The following CDIN1 variants were observed in gnomAD, a reference collection of about 807,000 sequenced individuals.
The protein encoded by CDIN1 is CDAN1-interacting nuclease 1.
A neutral mutation model predicts 45.3 loss-of-function variants in CDIN1; 33 were observed. The observed-to-expected ratio is 0.73, with a 90% confidence interval of 0.55 to 0.97. The LOEUF (loss-of-function observed/expected upper bound fraction) is 0.97, where lower values mean the gene tolerates loss of function less well. Among genes scored for constraint, CDIN1 ranks in the 50% least tolerant of loss-of-function variants. CDIN1 has a pLI of 0.00. For missense variants in CDIN1, 303 were observed against 339.4 expected (o/e 0.89, Z 0.84); for synonymous variants, 118 against 124.4 (o/e 0.95, Z 0.34).
At chr15:36,612,951 T>C (rs141892198) in intron 1 of CDIN1, among the ~76,000 whole-genome samples, 86 of 152,324 alleles carry the variant, frequency 5.6e-4, no homozygotes, top group African/African-American at 1.9e-3. Context: ...TTTTGTGATA[T>C]TGTAGCCATT....
At chr15:36,712,777 G>A (rs2043100316) in intron 10 of CDIN1, among the ~76,000 whole-genome samples, 1 of 152,060 alleles carries the variant, frequency 6.6e-6, no homozygotes, top group South Asian at 2.1e-4. Flanking sequence ...GTTCCTACAA[G>A]CACATCTCCA....
At chr15:36,649,472 C>A (rs1163828874) in intron 3 of CDIN1, among the ~76,000 whole-genome samples, 1 of 152,148 alleles carries the variant, frequency 6.6e-6, no homozygotes, top group Non-Finnish European at 1.5e-5. Context: ...GGAGGGCTAA[C>A]AAATACACAT....
rs1595443180 is a variant in CDIN1, at chr15:36,665,630, A to G, written c.346+7725A>G. 2.0e-5 allele frequency among the ~76,000 whole-genome samples: 3 copies of G among 152,150 alleles called. No homozygotes were observed. In the South Asian group the frequency reaches 6.2e-4, roughly 31 times the overall value. ...CAGGGTTTATCCACAACCTGAAGAGACGCACAGAATCAAGGATTGATGACC... is the reference window on the plus strand; with the variant it reads ...CAGGGTTTATCCACAACCTGAAGAGGCGCACAGAATCAAGGATTGATGACC... On this transcript the variant is annotated intron_variant, in intron 5 of 10. Coordinates refer to ENST00000566621, the MANE Select transcript of CDIN1 (RefSeq NM_001321759.2).
At chr15:36,594,133 T>C (rs979515742) in intron 1 of CDIN1, among the ~76,000 whole-genome samples, 7 of 152,234 alleles carry the variant, frequency 4.6e-5, no homozygotes, top group Non-Finnish European at 1.0e-4. Flanking sequence ...TCCTTTAGTT[T>C]TCATTGTATC....
rs373922415 is a variant in CDIN1, at chr15:36,797,158, CA to C, written c.717-11164del. ...CATTGTAGAGATGGCAGTTGTGGTTCAATGAGTGCAAATCCATGTGTCATAT... is the reference window on the plus strand; with the variant it reads ...CATTGTAGAGATGGCAGTTGTGGTTCATGAGTGCAAATCCATGTGTCATAT... On this transcript the variant is annotated intron_variant, in intron 10 of 10. Transcript: ENST00000566621. Among the ~76,000 whole-genome samples, 22 of 152,296 alleles carry C rather than the reference CA, an allele frequency of 1.4e-4. No individual in the cohort carries two copies. In the East Asian group the frequency reaches 3.9e-3, roughly 27 times the overall value.
At chr15:36,611,610 A>T (rs577960733) in intron 1 of CDIN1, among the ~76,000 whole-genome samples, 4 of 152,312 alleles carry the variant, frequency 2.6e-5, no homozygotes, top group African/African-American at 9.6e-5. Flanking sequence ...TGATTTTAAA[A>T]TTTTCTTAGT....
intron 10 of CDIN1, among the ~76,000 whole-genome samples, chr15:36,749,705 G>A (rs1027682885): frequency 6.6e-6 from 1 of 152,194 alleles, no homozygotes; most frequent in African/African-American, 2.4e-5. Flanking sequence ...TTTTTGTCAA[G>A]GCCAGCTTAT....
intron 8 of CDIN1, among the ~76,000 whole-genome samples, chr15:36,698,937 T>A (rs1406551719): frequency 6.6e-6 from 1 of 152,162 alleles, no homozygotes; most frequent in African/African-American, 2.4e-5. Context: ...TTAAATTAGA[T>A]TCACCATGGC....
intron 1 of CDIN1, among the ~76,000 whole-genome samples, chr15:36,603,446 A>C (rs755072827): frequency 6.6e-6 from 1 of 152,210 alleles, no homozygotes; most frequent in Non-Finnish European, 1.5e-5. Flanking sequence ...TTAGAAAGGG[A>C]GACTATAGTA....
intron 1 of CDIN1, among the ~76,000 whole-genome samples, chr15:36,625,261 A>G (rs556904722): frequency 1.1e-3 from 169 of 152,042 alleles, no homozygotes; most frequent in Non-Finnish European, 1.9e-3. Context: ...AGCCTGGACG[A>G]CAGAGCGAGA....
intron 1 of CDIN1, among the ~76,000 whole-genome samples, chr15:36,633,907 G>A (rs913370730): frequency 4.0e-5 from 6 of 151,846 alleles, no homozygotes; most frequent in Non-Finnish European, 5.9e-5. Context: ...ACAGGCATGC[G>A]CCATGATGCC....
At chr15:36,797,769 G>C (rs1379521038) in intron 10 of CDIN1, among the ~76,000 whole-genome samples, 1 of 152,000 alleles carries the variant, frequency 6.6e-6, no homozygotes, top group Non-Finnish European at 1.5e-5. Flanking sequence ...CACCTGAGGT[G>C]AGGCGTTCAA....
intron 10 of CDIN1, among the ~76,000 whole-genome samples, chr15:36,762,641 CA>C (rs2053801714): frequency 6.6e-6 from 1 of 151,836 alleles, no homozygotes; most frequent in Non-Finnish European, 1.5e-5. Context: ...TATCCCTCCC[CA>C]CTCCCACCAC....
At chr15:36,670,062 T>C (rs1425376201) in intron 5 of CDIN1, among the ~76,000 whole-genome samples, 1 of 152,060 alleles carries the variant, frequency 6.6e-6, no homozygotes, top group Non-Finnish European at 1.5e-5. Context: ...ATTATTTGGG[T>C]TTCTTCTGTA....
intron 10 of CDIN1, among the ~76,000 whole-genome samples, chr15:36,737,045 G>A (rs1471275345): frequency 5.9e-5 from 9 of 152,034 alleles, no homozygotes; most frequent in African/African-American, 2.2e-4. Flanking sequence ...GCACACGCCT[G>A]TAATCCCAGC....
chr15:36,638,231 C>T (rs1342293374), intron 1 of CDIN1, among the ~76,000 whole-genome samples: 1 of 151,902 alleles, frequency 6.6e-6, no homozygotes, highest in African/African-American at 2.4e-5. Context: ...TATATAGATA[C>T]ACACAAACAG....
At chr15:36,744,073 T>G (rs1464863806) in intron 10 of CDIN1, among the ~76,000 whole-genome samples, 1 of 152,022 alleles carries the variant, frequency 6.6e-6, no homozygotes, top group Non-Finnish European at 1.5e-5. Flanking sequence ...ACCAGATGAC[T>G]GACTTTGCAA....
At chr15:36,628,519 T>C (rs1291173015) in intron 1 of CDIN1, among the ~76,000 whole-genome samples, 1 of 152,154 alleles carries the variant, frequency 6.6e-6, no homozygotes, top group African/African-American at 2.4e-5. Context: ...GGTAAATATC[T>C]AGAAGTGCCT....
At chr15:36,797,015 T>C (rs1182147228) in intron 10 of CDIN1, among the ~76,000 whole-genome samples, 1 of 152,200 alleles carries the variant, frequency 6.6e-6, no homozygotes, top group Non-Finnish European at 1.5e-5. Flanking sequence ...AAGATTCTCA[T>C]TTTCTTAAAG....
Sources: allele counts gnomAD v4.1 joint callset (sites outside exome capture counted in the v4.1 genomes callset), GRCh38; gene constraint gnomAD v4.1.1; transcripts MANE v1.5; gene names NCBI Gene and HGNC (gene_info 2026-07-23, HGNC 2026-07-21).